ADGRL2: variants seen among roughly 807,000 people sequenced by gnomAD.
ADGRL2 encodes calcium-independent alpha-latrotoxin receptor 2.
Under a neutral mutation model 157.4 loss-of-function variants are expected in ADGRL2, and 44 were observed. That is an observed-to-expected ratio of 0.28 (90% confidence interval 0.22 to 0.36). The LOEUF (loss-of-function observed/expected upper bound fraction) is 0.36. Ranked by LOEUF, ADGRL2 falls within the 10% of genes least tolerant of loss-of-function variation. The probability of loss-of-function intolerance (pLI) is 1.00; values close to 1 mark genes in which losing one functional copy is unlikely to be tolerated. For missense variants in ADGRL2, 1,510 were observed against 1,768.9 expected (o/e 0.85, Z 2.63); for synonymous variants, 585 against 624.7 (o/e 0.94, Z 0.95).
At chr1:81,887,091 G>T (rs769876873) in intron 2 of ADGRL2, among the ~76,000 whole-genome samples, 24 of 152,158 alleles carry the variant, frequency 1.6e-4, no homozygotes, top group Admixed American at 5.2e-4. Context: ...AATATTATAA[G>T]TAAATTCATA....
At chr1:81,538,500 T>G (rs2148304875) in intron 2 of ADGRL2, among the ~76,000 whole-genome samples, 1 of 152,320 alleles carries the variant, frequency 6.6e-6, no homozygotes, top group East Asian at 1.9e-4. Context: ...ACACATGTAA[T>G]TTCTGAAATT....
intron 1 of ADGRL2, among the ~76,000 whole-genome samples, chr1:81,439,026 A>G (rs1409483753): frequency 6.6e-6 from 1 of 152,102 alleles, no homozygotes; most frequent in Non-Finnish European, 1.5e-5. Context: ...TTGCGATAGA[A>G]ACTCCCTTTA....
At chr1:81,843,457 A>T (rs964997985) in intron 2 of ADGRL2, among the ~76,000 whole-genome samples, 3 of 152,310 alleles carry the variant, frequency 2.0e-5, no homozygotes, top group Admixed American at 2.0e-4. Context: ...TTAAGAAAAT[A>T]CTTAACTGTA....
At chr1:81,844,418 T>C (rs2092709315) in intron 2 of ADGRL2, among the ~76,000 whole-genome samples, 1 of 152,192 alleles carries the variant, frequency 6.6e-6, no homozygotes, top group African/African-American at 2.4e-5. Context: ...CGATAGCTTG[T>C]GATATTAGAG....
chr1:81,946,762 C>T (rs974878739), intron 6 of ADGRL2, among the ~76,000 whole-genome samples: 4 of 152,048 alleles, frequency 2.6e-5, no homozygotes, highest in African/African-American at 9.7e-5. Context: ...AAAAGATGAT[C>T]AGTGTTTTTA....
At chr1:81,508,677 G>T (rs999775887) in intron 2 of ADGRL2, among the ~76,000 whole-genome samples, 5 of 152,142 alleles carry the variant, frequency 3.3e-5, no homozygotes, top group African/African-American at 1.2e-4. Context: ...TATGCATAGG[G>T]TATGCACCCA....
At chr1:81,742,087 T>C (rs1429936092) in intron 1 of ADGRL2, among the ~76,000 whole-genome samples, 2 of 151,940 alleles carry the variant, frequency 1.3e-5, no homozygotes, top group Non-Finnish European at 2.9e-5. Flanking sequence ...GGGGAAAATA[T>C]CAGTCCAGGA....
intron 2 of ADGRL2, among the ~76,000 whole-genome samples, chr1:81,525,825 C>T (rs1264432707): frequency 1.4e-5 from 2 of 143,382 alleles, no homozygotes; most frequent in Non-Finnish European, 3.0e-5. Flanking sequence ...AAATGTTCTA[C>T]CTTTTGCCAT....
chr1:81,770,370 C>T (rs969205001), intron 2 of ADGRL2, among the ~76,000 whole-genome samples: 2 of 151,660 alleles, frequency 1.3e-5, no homozygotes, highest in African/African-American at 4.8e-5. Flanking sequence ...AGCATATTGG[C>T]CAGGATGGTC....
chr1:81,745,728 T>C (rs1252287618), intron 1 of ADGRL2, among the ~76,000 whole-genome samples: 1 of 152,180 alleles, frequency 6.6e-6, no homozygotes, highest in African/African-American at 2.4e-5. Context: ...TACCCTGCAA[T>C]ATAATGCTTT....
chr1:81,617,725 T>C (rs1176832403), intron 3 of ADGRL2, among the ~76,000 whole-genome samples: 1 of 152,212 alleles, frequency 6.6e-6, no homozygotes, highest in African/African-American at 2.4e-5. Flanking sequence ...GGATGCTATG[T>C]CAGTGTTTCT....
chr1:81,476,893 C>T (rs1327446662), intron 2 of ADGRL2, among the ~76,000 whole-genome samples: 1 of 152,136 alleles, frequency 6.6e-6, no homozygotes, highest in African/African-American at 2.4e-5. Flanking sequence ...CAACATCCAT[C>T]GATTAAACTG....
chr1:81,599,772 A>G (rs2081302392), intron 3 of ADGRL2, among the ~76,000 whole-genome samples: 1 of 152,176 alleles, frequency 6.6e-6, no homozygotes, highest in East Asian at 1.9e-4. Flanking sequence ...AGGCTCATTA[A>G]GCTTAAGTGA....
intron 2 of ADGRL2, among the ~76,000 whole-genome samples, chr1:81,561,108 C>G (rs949590288): frequency 1.3e-5 from 2 of 152,106 alleles, no homozygotes; most frequent in African/African-American, 2.4e-5. Flanking sequence ...CACCATTACC[C>G]TTCCTCCACA....
intron 2 of ADGRL2, among the ~76,000 whole-genome samples, chr1:81,887,961 G>A (rs1299867081): frequency 6.6e-6 from 1 of 152,170 alleles, no homozygotes; most frequent in Non-Finnish European, 1.5e-5. Context: ...AGAGAATTCA[G>A]GGAAAGAGTC....
chr1:81,920,278 A>G (rs2094947420), intron 3 of ADGRL2, among the ~76,000 whole-genome samples: 2 of 152,192 alleles, frequency 1.3e-5, no homozygotes, highest in African/African-American at 4.8e-5. Flanking sequence ...GTACAAGAAG[A>G]TAAAATAGAA....
At position 81,990,508 on chromosome 1, in the gene ADGRL2, T is replaced by C. The variant is rs1389306587; in HGVS notation, c.3773T>C (p.Val1258Ala). The C allele has an allele frequency of 3.1e-6, 5 of 1,614,130 alleles. No individual in the cohort carries two copies. The highest frequency in any genetic ancestry group is 4.2e-6 in the Non-Finnish European group (5 of 1,179,988). ...GACTATAATGACAGCGTGCAAGTTG[T>C]GGACTGTGGACTAAGTCTGAATGAT... is the stretch of plus-strand genomic sequence containing the variant. Reference protein sequence around the residue: ...KGDYNDSVQVVDCGLSLNDTA... With the variant: ...KGDYNDSVQVADCGLSLNDTA... Residue 1258 changes from valine to alanine, a missense_variant, in exon 24 of 24, where the codon GTG (valine) becomes GCG (alanine). Val to Ala is a moderately conservative substitution (Grantham distance 64). Coordinates refer to ENST00000686636, the MANE Select transcript of ADGRL2 (RefSeq NM_001366006.2).
chr1:81,909,709 CA>C (rs1437796840), intron 3 of ADGRL2, among the ~76,000 whole-genome samples: 2 of 149,192 alleles, frequency 1.3e-5, no homozygotes, highest in Non-Finnish European at 3.0e-5. Context: ...CTTTCTAGTT[CA>C]AACCATTGCT....
chr1:81,647,513 A>C (rs1045505188), intron 3 of ADGRL2, among the ~76,000 whole-genome samples: 1 of 152,146 alleles, frequency 6.6e-6, no homozygotes, highest in African/African-American at 2.4e-5. Flanking sequence ...CAGAGGAAAA[A>C]TAAAATTACC....
Sources: allele counts gnomAD v4.1 joint callset (sites outside exome capture counted in the v4.1 genomes callset), GRCh38; gene constraint gnomAD v4.1.1; transcripts MANE v1.5; gene names NCBI Gene and HGNC (gene_info 2026-07-23, HGNC 2026-07-21).